THSD4: variants seen among roughly 807,000 people sequenced by gnomAD.
THSD4 encodes thrombospondin type-1 domain-containing protein 4.
In THSD4, 69 loss-of-function variants were observed where a neutral mutation model predicts 119.0. That is an observed-to-expected ratio of 0.58 (90% CI 0.48 to 0.71). The LOEUF (loss-of-function observed/expected upper bound fraction) is 0.71. Among genes scored for constraint, THSD4 ranks in the 30% least tolerant of loss-of-function variants. The pLI is 0.00. For synonymous variants in THSD4, 524 were observed against 540.4 expected, an observed-to-expected ratio of 0.97 and a Z score of 0.42; for missense variants, 1,393 against 1,391.1, an observed-to-expected ratio of 1.00 and a Z score of -0.02.
At chr15:71,145,675 A>G (rs1182494255) in intron 2 of THSD4, among the ~76,000 whole-genome samples, 1 of 152,232 alleles carries the variant, frequency 6.6e-6, no homozygotes, top group Admixed American at 6.5e-5. Flanking sequence ...TGTGAGAAAG[A>G]GAATGCCCCA....
intron 7 of THSD4, among the ~76,000 whole-genome samples, chr15:71,629,205 G>A (rs2050568129): frequency 6.6e-6 from 1 of 152,152 alleles, no homozygotes; most frequent in South Asian, 2.1e-4. Context: ...ATGAACAGCA[G>A]CATACTGAAC....
At chr15:71,300,001 ATT>A (rs2044926563) in intron 6 of THSD4, among the ~76,000 whole-genome samples, 1 of 140,714 alleles carries the variant, frequency 7.1e-6, no homozygotes, top group Admixed American at 7.1e-5. Flanking sequence ...ATATATATAT[ATT>A]AGCCATGGGT....
At chr15:71,543,678 T>G (rs941182353) in intron 7 of THSD4, among the ~76,000 whole-genome samples, 1 of 152,230 alleles carries the variant, frequency 6.6e-6, no homozygotes, top group Non-Finnish European at 1.5e-5. Context: ...ATTAGGCAAC[T>G]GGGTATATCG....
At chr15:71,240,789 A>G (rs2044145118) in intron 4 of THSD4, among the ~76,000 whole-genome samples, 1 of 141,604 alleles carries the variant, frequency 7.1e-6, no homozygotes, top group African/African-American at 2.7e-5. Context: ...AGTTTTATAT[A>G]TATGTGTATA....
intron 7 of THSD4, among the ~76,000 whole-genome samples, chr15:71,626,762 G>C (rs2050517469): frequency 6.6e-6 from 1 of 152,080 alleles, no homozygotes; most frequent in Non-Finnish European, 1.5e-5. Context: ...TTTTACTCAA[G>C]ATCATGACAT....
Position 71,288,343 on chromosome 15 carries a change from G to A in THSD4, c.1015+31628G>A, listed in dbSNP as rs1402538834. Among the ~76,000 whole-genome samples, 3 of 152,182 alleles carry A rather than the reference G, an allele frequency of 2.0e-5. No individual in the cohort carries two copies. In the South Asian group the frequency reaches 6.2e-4, roughly 32 times the overall value. On this transcript the variant is annotated intron_variant, in intron 6 of 17. Transcript: ENST00000261862. ...CATACCTATTTGATTTGGCAAATGT[G>A]AATAAACTATTCTTTCAGAGGATCC... is the stretch of plus-strand genomic sequence containing the variant.
upstream of THSD4, among the ~76,000 whole-genome samples, chr15:71,113,108 G>T (rs1013715985): frequency 3.9e-5 from 6 of 152,248 alleles, no homozygotes; most frequent in African/African-American, 1.4e-4. Flanking sequence ...AGGATTGCTT[G>T]AGCCCAGGAG....
intron 4 of THSD4, among the ~76,000 whole-genome samples, chr15:71,227,671 A>G (rs1044746973): frequency 1.3e-5 from 2 of 152,200 alleles, no homozygotes; most frequent in African/African-American, 4.8e-5. Flanking sequence ...AGTCCCCAGC[A>G]TCCTGCTCCA....
At chr15:71,496,817 ACT>A (rs1396419805) in intron 7 of THSD4, among the ~76,000 whole-genome samples, 1 of 152,084 alleles carries the variant, frequency 6.6e-6, no homozygotes, top group Non-Finnish European at 1.5e-5. Flanking sequence ...AAAGGAAAAG[ACT>A]CTGACATGGC....
chr15:71,184,861 G>T (rs1031999608), intron 3 of THSD4, among the ~76,000 whole-genome samples: 2 of 151,684 alleles, frequency 1.3e-5, no homozygotes, highest in Non-Finnish European at 2.9e-5. Flanking sequence ...TCGTTTTGTT[G>T]TTTTGTTTTG....
chr15:71,273,957 C>G (rs1240058799), intron 6 of THSD4, among the ~76,000 whole-genome samples: 1 of 152,186 alleles, frequency 6.6e-6, no homozygotes, highest in Non-Finnish European at 1.5e-5. Flanking sequence ...ACAGAACTCA[C>G]AGTCTCATTA....
At chr15:71,728,063 A>C (rs908443775) in intron 8 of THSD4, among the ~76,000 whole-genome samples, 3 of 151,980 alleles carry the variant, frequency 2.0e-5, no homozygotes, top group African/African-American at 7.3e-5. Flanking sequence ...AGAACTCTTA[A>C]ATTTTTTATG....
chr15:71,746,881 C>T lies in THSD4; in HGVS notation c.2080C>T (p.Leu694=). 6.2e-7 allele frequency: 1 copy of T among 1,614,136 alleles called. No individual in the cohort carries two copies. The highest frequency in any genetic ancestry group is 8.5e-7 in the Non-Finnish European group (1 of 1,180,044). ...EWSECSKTCG[L]GMQHRQVLCR... is the part of the protein sequence containing the mutation. ...GTCTGAGTGCAGCAAGACCTGTGGCCTGGGCATGCAGCACCGCCAGGTTCT... is the reference window on the plus strand; with the variant it reads ...GTCTGAGTGCAGCAAGACCTGTGGCTTGGGCATGCAGCACCGCCAGGTTCT... The change falls in exon 13 of 18, where the codon CTG becomes TTG. Residue 694 remains leucine, a synonymous_variant. Transcript: ENST00000261862.
At chr15:71,167,561 T>C (rs1253862461) in intron 3 of THSD4, among the ~76,000 whole-genome samples, 4 of 152,218 alleles carry the variant, frequency 2.6e-5, no homozygotes, top group Non-Finnish European at 5.9e-5. Flanking sequence ...TAAAAGTATT[T>C]TTTTCATCAA....
At chr15:71,579,545 G>A (rs1292144012) in intron 7 of THSD4, among the ~76,000 whole-genome samples, 1 of 152,182 alleles carries the variant, frequency 6.6e-6, no homozygotes, top group Non-Finnish European at 1.5e-5. Flanking sequence ...CAGAAGATCT[G>A]TCATTTGATT....
At chr15:71,338,073 T>G (rs1226591966) in intron 6 of THSD4, among the ~76,000 whole-genome samples, 1 of 152,202 alleles carries the variant, frequency 6.6e-6, no homozygotes, top group Non-Finnish European at 1.5e-5. Flanking sequence ...TGTTCCCCCA[T>G]CAATGCCCCA....
chr15:71,145,499 C>A (rs1318957780), intron 2 of THSD4, among the ~76,000 whole-genome samples: 3 of 152,086 alleles, frequency 2.0e-5, no homozygotes, highest in Non-Finnish European at 4.4e-5. Flanking sequence ...TTGATGCATA[C>A]TTCAGTAAAG....
intron 7 of THSD4, among the ~76,000 whole-genome samples, chr15:71,422,820 G>A (rs894422658): frequency 1.4e-4 from 21 of 152,132 alleles, no homozygotes; most frequent in African/African-American, 1.9e-4. Flanking sequence ...AATACCATTC[G>A]GGAGCCAGGG....
intron 5 of THSD4, among the ~76,000 whole-genome samples, chr15:71,250,442 A>G (rs759645710): frequency 3.3e-4 from 50 of 152,244 alleles, no homozygotes; most frequent in Non-Finnish European, 6.6e-4. Context: ...GACTCAAACA[A>G]TCCTTCTGCC....
Sources: allele counts gnomAD v4.1 joint callset (sites outside exome capture counted in the v4.1 genomes callset), GRCh38; gene constraint gnomAD v4.1.1; transcripts MANE v1.5; gene names NCBI Gene and HGNC (gene_info 2026-07-23, HGNC 2026-07-21).